The following TEX9 variants were observed in gnomAD, a reference collection of about 807,000 sequenced individuals.
The protein encoded by TEX9 is testis expressed 9.
In TEX9, 74 loss-of-function variants were observed where a neutral mutation model predicts 59.6. That is an observed-to-expected ratio of 1.24 (90% confidence interval 1.03 to 1.51). The LOEUF (loss-of-function observed/expected upper bound fraction) is 1.51. TEX9 is among the 40% of genes most tolerant of loss of function. The pLI, the probability that TEX9 is intolerant of heterozygous loss-of-function variation, is 0.00. For missense variants in TEX9, 522 were observed against 447.8 expected (o/e 1.17, Z -1.49); for synonymous variants, 186 against 152.2 (o/e 1.22, Z -1.64).
chr15:56,347,857 C>T (rs186830178), intron 1 of TEX9, among the ~76,000 whole-genome samples: 2 of 151,988 alleles, frequency 1.3e-5, no homozygotes, highest in Admixed American at 1.3e-4. Context: ...TATTTACAAG[C>T]AACACTTTTT....
chr15:56,326,227 A>C (rs1382538937), intron 1 of TEX9, among the ~76,000 whole-genome samples: 1 of 152,068 alleles, frequency 6.6e-6, no homozygotes, highest in Non-Finnish European at 1.5e-5. Flanking sequence ...TGTAACTTCT[A>C]CCCACTAGCC....
upstream of TEX9, chr15:56,365,394 G>A (rs1323334851): frequency 1.9e-6 from 3 of 1,585,476 alleles, no homozygotes; most frequent in Non-Finnish European, 2.6e-6. Flanking sequence ...CCGGGATGTG[G>A]AAACTCTCGC....
rs1415801519 is a variant in TEX9, at chr15:56,415,725, CT to C, written c.963+3293del. ...TAGTATTGCCTTGGCTATTCAGGCT[CT>C]TTTGTGGTTCCATGTGAATTTTTAA... On this transcript the variant is annotated intron_variant, in intron 10 of 12. Coordinates refer to ENST00000352903, the Ensembl canonical transcript of TEX9. Among the ~76,000 whole-genome samples the C allele has an allele frequency of 5.3e-5, 8 of 151,952 alleles. No homozygotes were observed. The East Asian group carries it at 1.5e-3, about 29-fold the overall frequency.
intron 1 of TEX9, among the ~76,000 whole-genome samples, chr15:56,341,407 T>C (rs2046370079): frequency 6.6e-6 from 1 of 152,322 alleles, no homozygotes; most frequent in South Asian, 2.1e-4. Flanking sequence ...TCTTGAATTA[T>C]CAGTGTTCAA....
At chr15:56,300,200 C>G (rs1383356378) in intron 1 of TEX9, among the ~76,000 whole-genome samples, 1 of 151,570 alleles carries the variant, frequency 6.6e-6, no homozygotes, top group Non-Finnish European at 1.5e-5. Context: ...AGCCCTTGGG[C>G]CTTGATCATC....
At chr15:56,370,318 A>G (rs2047140485) in intron 2 of TEX9, among the ~76,000 whole-genome samples, 1 of 152,158 alleles carries the variant, frequency 6.6e-6, no homozygotes, top group Non-Finnish European at 1.5e-5. Context: ...CCAGTTAATC[A>G]TCAATTTTTT....
At chr15:56,276,331 C>T (rs1477714326) in intron 1 of TEX9, among the ~76,000 whole-genome samples, 1 of 152,026 alleles carries the variant, frequency 6.6e-6, no homozygotes, top group Non-Finnish European at 1.5e-5. Context: ...CCTCCTCTTG[C>T]CCCCCACACC....
chr15:56,391,255 A>G, exon 7 of TEX9: 1 of 1,556,432 alleles, frequency 6.4e-7, no homozygotes. Context: ...TTAAATTGAA[A>G]TACTCTGATG....
At chr15:56,291,113 T>C (rs1266364782) in intron 1 of TEX9, among the ~76,000 whole-genome samples, 2 of 152,234 alleles carry the variant, frequency 1.3e-5, no homozygotes. Flanking sequence ...GATAAGGAAA[T>C]GATCCTGATG....
chr15:56,287,541 C>A (rs1014790435), intron 1 of TEX9, among the ~76,000 whole-genome samples: 1 of 152,028 alleles, frequency 6.6e-6, no homozygotes, highest in Non-Finnish European at 1.5e-5. Context: ...ATGGTGAGAA[C>A]ACTTCAAATA....
intron 1 of TEX9, among the ~76,000 whole-genome samples, chr15:56,266,990 G>A (rs1412405053): frequency 6.6e-6 from 1 of 152,130 alleles, no homozygotes; most frequent in Non-Finnish European, 1.5e-5. Flanking sequence ...AGCACCTGTT[G>A]TTTCCTGACT....
chr15:56,341,805 C>CA (rs1200271546), intron 1 of TEX9, among the ~76,000 whole-genome samples: 2 of 151,950 alleles, frequency 1.3e-5, no homozygotes, highest in African/African-American at 4.8e-5. Context: ...TACTCAAATA[C>CA]AAAAAATTGA....
At chr15:56,244,721 A>G (rs959454997) in intron 1 of TEX9, among the ~76,000 whole-genome samples, 1 of 152,004 alleles carries the variant, frequency 6.6e-6, no homozygotes, top group Admixed American at 6.6e-5. Context: ...AAAGAAACGC[A>G]TGTAGTACTC....
intron 1 of TEX9, among the ~76,000 whole-genome samples, chr15:56,278,169 T>A (rs2044723402): frequency 6.6e-6 from 1 of 152,226 alleles, no homozygotes; most frequent in Admixed American, 6.5e-5. Context: ...CCTTGTATGA[T>A]AAACATTAAT....
At chr15:56,384,106 T>A (rs113085480) in intron 4 of TEX9, 75 bp downstream of exon 4, 1 of 1,166,928 alleles carries the variant, frequency 8.6e-7, no homozygotes, top group African/African-American at 1.5e-5. Flanking sequence ...CTTTTTTGCA[T>A]GCAAACATTG....
intron 1 of TEX9, among the ~76,000 whole-genome samples, chr15:56,337,705 G>A (rs999920639): frequency 4.6e-5 from 7 of 152,128 alleles, no homozygotes; most frequent in Non-Finnish European, 7.4e-5. Flanking sequence ...AATTGGAAAG[G>A]AAAATAAAAC....
rs1433726994 is a variant in TEX9, at chr15:56,404,205, G to A, written c.829-8097G>A. On this transcript the variant is annotated intron_variant, in intron 9 of 12. Transcript: ENST00000352903. ...CATCAGAGTGAACAGCCAACCTACA[G>A]AATGGGAGAAAATTTTTGCAATCCA... 2.0e-5 allele frequency among the ~76,000 whole-genome samples: 3 copies of A among 152,146 alleles called. No homozygotes were observed. The East Asian group carries it at 5.8e-4, about 29-fold the overall frequency.
At chr15:56,416,397 A>G (rs919607588) in intron 10 of TEX9, among the ~76,000 whole-genome samples, 1 of 151,896 alleles carries the variant, frequency 6.6e-6, no homozygotes, top group African/African-American at 2.4e-5. Flanking sequence ...TCCAATATCT[A>G]TGTTATTTAG....
chr15:56,431,697 T>C lies in TEX9; in HGVS notation c.*29+3224T>C, dbSNP rs574099902. Among the ~76,000 whole-genome samples, 15 of 152,154 alleles carry C rather than the reference T, an allele frequency of 9.9e-5. 1 individual carries two copies. The highest frequency in any genetic ancestry group is 3.6e-4 in the African/African-American group (15 of 41,550). ...CATATCTATGTATTTTTTACTGTCA[T>C]TATTCCTTTAAAATTACAAGGAGGC... On this transcript the variant is annotated intron_variant, in intron 12 of 12. Coordinates refer to ENST00000352903, the Ensembl canonical transcript of TEX9.
Sources: allele counts gnomAD v4.1 joint callset (sites outside exome capture counted in the v4.1 genomes callset), GRCh38; gene constraint gnomAD v4.1.1; transcripts MANE v1.5; gene names NCBI Gene and HGNC (gene_info 2026-07-23, HGNC 2026-07-21).